Variants in PRMT8 observed in about 807,000 individuals in gnomAD.
PRMT8 encodes the protein protein arginine methyltransferase 8.
A neutral mutation model predicts 47.1 loss-of-function variants in PRMT8; 7 were observed. The ratio of observed to expected loss-of-function variants is 0.15; its 90% CI spans 0.08 to 0.28. The LOEUF (loss-of-function observed/expected upper bound fraction) is 0.28. PRMT8 is among the 10% of genes least tolerant of loss of function. The probability of loss-of-function intolerance (pLI) is 1.00; values close to 1 mark genes in which losing one functional copy is unlikely to be tolerated. For missense variants in PRMT8, 237 were observed against 505.4 expected (o/e 0.47, Z 5.09); for synonymous variants, 188 against 186.5 (o/e 1.01, Z -0.07).
At chr12:3,472,711 T>C (rs1228374467) in intron 1 of PRMT8, among the ~76,000 whole-genome samples, 2 of 152,192 alleles carry the variant, frequency 1.3e-5, no homozygotes, top group East Asian at 3.9e-4. Flanking sequence ...GGTCTCCATA[T>C]GCAGGGTGCA....
chr12:3,431,333 C>T (rs1235611825), intron 1 of PRMT8, among the ~76,000 whole-genome samples: 3 of 152,042 alleles, frequency 2.0e-5, no homozygotes, highest in Admixed American at 6.6e-5. Flanking sequence ...GCAGAGAGGG[C>T]ACCAAACTGC....
At chr12:3,475,808 C>T (rs922629045) in intron 1 of PRMT8, among the ~76,000 whole-genome samples, 4 of 152,256 alleles carry the variant, frequency 2.6e-5, no homozygotes, top group South Asian at 2.1e-4. Flanking sequence ...AGGGGGAAGG[C>T]GGCCTGGTGT....
intron 1 of PRMT8, among the ~76,000 whole-genome samples, chr12:3,455,209 A>C (rs1218617340): frequency 6.6e-6 from 1 of 152,152 alleles, no homozygotes; most frequent in African/African-American, 2.4e-5. Flanking sequence ...CTGGTCTGTT[A>C]CTGTGTAACT....
At chr12:3,531,198 G>A (rs561307894) in intron 1 of PRMT8, among the ~76,000 whole-genome samples, 2 of 152,290 alleles carry the variant, frequency 1.3e-5, no homozygotes, top group South Asian at 2.1e-4. Flanking sequence ...CTGGCTGTGT[G>A]TTTCTACACA....
chr12:3,430,240 C>T (rs937742526), intron 1 of PRMT8, among the ~76,000 whole-genome samples: 1 of 152,194 alleles, frequency 6.6e-6, no homozygotes, highest in African/African-American at 2.4e-5. Context: ...TTTCACGATG[C>T]TTTTCCATAC....
chr12:3,474,852 A>T (rs888842775), intron 1 of PRMT8, among the ~76,000 whole-genome samples: 6 of 152,202 alleles, frequency 3.9e-5, no homozygotes, highest in African/African-American at 1.4e-4. Context: ...AGCACCTAGC[A>T]TGGGACCTGA....
At chr12:3,509,257 C>T (rs1285353907) in intron 1 of PRMT8, among the ~76,000 whole-genome samples, 2 of 152,162 alleles carry the variant, frequency 1.3e-5, no homozygotes, top group African/African-American at 4.8e-5. Flanking sequence ...CCATTTCTTA[C>T]AAGCCCTTCC....
At position 3,514,981 on chromosome 12, in the gene PRMT8, C is replaced by T. The variant is rs1302367265; in HGVS notation, c.75+23281C>T. Reference sequence around the variant, plus strand: ...GAAATTATGGATGCCATTCATCCAGCACTTGCTATGTGCCAGGCACTTTTC... The same window carrying T: ...GAAATTATGGATGCCATTCATCCAGTACTTGCTATGTGCCAGGCACTTTTC... On this transcript the variant is annotated intron_variant, in intron 1 of 9. Coordinates refer to ENST00000382622, the MANE Select transcript of PRMT8 (RefSeq NM_019854.5). The surrounding 1 kb of genome is among the most constrained non-coding windows in gnomAD (Gnocchi z 5.9). Among the ~76,000 whole-genome samples the T allele has an allele frequency of 6.6e-6, 1 of 152,238 alleles. No homozygotes were observed. Among genetic ancestry groups the T allele is most frequent in the Non-Finnish European group, 1.5e-5 (1 of 68,044 alleles).
intron 1 of PRMT8, among the ~76,000 whole-genome samples, chr12:3,405,674 C>T (rs1158296634): frequency 6.6e-6 from 1 of 152,208 alleles, no homozygotes; most frequent in East Asian, 1.9e-4. Flanking sequence ...GTAGGGCAGT[C>T]ATGAAGCCTT....
At position 3,569,457 on chromosome 12, in the gene PRMT8, TCC is replaced by T; in HGVS notation, c.625-17_625-16del. Reference sequence around the variant, plus strand: ...AGGTGAATAGATTACGAGACCCATTTCCCCACAATTCATCAACAGAAACCTGG... The same window carrying T: ...AGGTGAATAGATTACGAGACCCATTTCCACAATTCATCAACAGAAACCTGG... On this transcript the variant is annotated intron_variant, in intron 5 of 9. Transcript: ENST00000382622. The surrounding 1 kb of genome is among the most constrained non-coding windows in gnomAD (Gnocchi z 8.2). 1 of 1,604,374 alleles carries T rather than the reference TCC, an allele frequency of 6.2e-7. No individual in the cohort carries two copies. The highest frequency in any genetic ancestry group is 8.5e-7 in the Non-Finnish European group (1 of 1,171,078).
At chr12:3,555,749 C>T (rs2137184715) in intron 4 of PRMT8, among the ~76,000 whole-genome samples, 1 of 152,212 alleles carries the variant, frequency 6.6e-6, no homozygotes, top group South Asian at 2.1e-4. Context: ...GAGAAGTAAT[C>T]CCTGTGGGAC....
At chr12:3,390,959 C>T (rs575021279) in intron 1 of PRMT8, among the ~76,000 whole-genome samples, 29 of 152,276 alleles carry the variant, frequency 1.9e-4, no homozygotes, top group African/African-American at 7.0e-4. Flanking sequence ...AGTATTTTGC[C>T]AATTACACTA....
intron 1 of PRMT8, among the ~76,000 whole-genome samples, chr12:3,476,438 T>C (rs1865215900): frequency 6.6e-6 from 1 of 152,066 alleles, no homozygotes; most frequent in Non-Finnish European, 1.5e-5. Flanking sequence ...GGCAGGTACA[T>C]AAACAGTGAA....
At position 3,532,060 on chromosome 12, in the gene PRMT8, G is replaced by A. The variant is rs149950319; in HGVS notation, c.76-8546G>A. On this transcript the variant is annotated intron_variant, in intron 1 of 9. Transcript: ENST00000382622. ...TCCCACCCTGATTTCATTGGTCTGC[G>A]GTGGGCTGGAGATCCACCAGCGACG... 2.0e-3 allele frequency among the ~76,000 whole-genome samples: 306 copies of A among 152,182 alleles called. 5 individuals carry two copies. In the East Asian group the frequency reaches 0.043, roughly 21 times the overall value.
chr12:3,458,889 A>T (rs1327663281), intron 1 of PRMT8, among the ~76,000 whole-genome samples: 1 of 152,084 alleles, frequency 6.6e-6, no homozygotes, highest in African/African-American at 2.4e-5. Flanking sequence ...CCCACTTCTC[A>T]GGGGGAGGCT....
At chr12:3,403,156 T>C (rs999609264) in intron 1 of PRMT8, among the ~76,000 whole-genome samples, 1 of 152,342 alleles carries the variant, frequency 6.6e-6, no homozygotes, top group Non-Finnish European at 1.5e-5. Flanking sequence ...ATTGAGATCT[T>C]GTCCTTTGCA....
intron 1 of PRMT8, among the ~76,000 whole-genome samples, chr12:3,517,388 G>T (rs893760165): frequency 6.6e-6 from 1 of 152,100 alleles, no homozygotes; most frequent in South Asian, 2.1e-4. Flanking sequence ...TATGTGGCCC[G>T]CTCTGTCCAG....
At chr12:3,452,778 G>A (rs1478020240) in intron 1 of PRMT8, among the ~76,000 whole-genome samples, 1 of 152,170 alleles carries the variant, frequency 6.6e-6, no homozygotes, top group African/African-American at 2.4e-5. Flanking sequence ...ACTGGGGAAC[G>A]TTCAAGGCAG....
Position 3,564,788 on chromosome 12 carries a change from C to A in PRMT8, c.482-3918C>A, listed in dbSNP as rs1050743435. Among the ~76,000 whole-genome samples the A allele has an allele frequency of 1.3e-5, 2 of 152,232 alleles. No individual in the cohort carries two copies. Among genetic ancestry groups the A allele is most frequent in the East Asian group, 1.9e-4 (1 of 5,198 alleles). On this transcript the variant is annotated intron_variant, in intron 4 of 9. Transcript: ENST00000382622. This position sits in a 1 kb window ranked among gnomAD's most constrained non-coding sequence, Gnocchi z 4.0. ...GGAATCTTAATATCAATAGCTTAGA[C>A]CCCCTTGAAAATCCTTTGCATGGAG...
Sources: gnomAD v4.1 joint callset for allele counts (sites outside exome capture counted in the v4.1 genomes callset) on GRCh38, gnomAD v4.1.1 for gene constraint, Gnocchi (gnomAD v3.1) non-coding constraint, MANE v1.5 for transcripts, NCBI Gene and HGNC (gene_info 2026-07-23, HGNC 2026-07-21) for gene names.